NEK10: variants seen among roughly 807,000 people sequenced by gnomAD.
NEK10 encodes the protein serine/threonine-protein kinase Nek10.
Under a neutral mutation model 159.8 loss-of-function variants are expected in NEK10, and 122 were observed. The observed-to-expected ratio is 0.76, with a 90% confidence interval of 0.66 to 0.89. The LOEUF is 0.89. Ranked by LOEUF, NEK10 falls within the 40% of genes least tolerant of loss-of-function variation. The pLI, the probability that NEK10 is intolerant of heterozygous loss-of-function variation, is 0.00. For missense variants in NEK10, 1,342 were observed against 1,323.1 expected (o/e 1.01, Z -0.22); for synonymous variants, 466 against 457.1 (o/e 1.02, Z -0.25).
At chr3:27,347,124 T>G (rs2047608983) in intron 3 of NEK10, among the ~76,000 whole-genome samples, 1 of 152,220 alleles carries the variant, frequency 6.6e-6, no homozygotes, top group South Asian at 2.1e-4. Flanking sequence ...AAAAATCATT[T>G]TTCAGTAAAT....
At position 27,108,010 on chromosome 3, in the gene NEK10, T is replaced by G. The variant is rs1269618441; in HGVS notation, c.*3262A>C. 6.6e-6 allele frequency among the ~76,000 whole-genome samples: 1 copy of G among 152,220 alleles called. No individual in the cohort carries two copies. The highest frequency in any genetic ancestry group is 1.5e-5 in the Non-Finnish European group (1 of 68,030). The stretch of plus-strand genomic sequence containing the variant: ...AAATTCACTAGCCAATATTACAGTC[T>G]TCACACATCTTAAAAATGAGTGGTG... On this transcript the variant is annotated 3_prime_UTR_variant, in exon 36 of 36. Transcript: ENST00000691995.
intron 23 of NEK10, among the ~76,000 whole-genome samples, chr3:27,220,622 T>G (rs1952001388): frequency 6.6e-6 from 1 of 152,102 alleles, no homozygotes; most frequent in South Asian, 2.1e-4. Flanking sequence ...CAAATTGATC[T>G]ACAGATTCAA....
intron 22 of NEK10, among the ~76,000 whole-genome samples, chr3:27,274,699 A>C (rs2041639068): frequency 6.6e-6 from 1 of 151,962 alleles, no homozygotes; most frequent in South Asian, 2.1e-4. Flanking sequence ...GCATGATACT[A>C]GTTCTTAAAA....
chr3:27,162,410 C>A, intron 30 of NEK10: 1 of 1,594,926 alleles, frequency 6.3e-7, no homozygotes, highest in Non-Finnish European at 8.6e-7. Context: ...AACTATAATT[C>A]TGCATTTGCC....
intron 22 of NEK10, among the ~76,000 whole-genome samples, chr3:27,272,300 G>T (rs2041428097): frequency 6.6e-6 from 1 of 152,142 alleles, no homozygotes; most frequent in Non-Finnish European, 1.5e-5. Flanking sequence ...TCAGTCATCA[G>T]GGATATCCCA....
At chr3:27,354,146 C>T (rs1373789342) in intron 1 of NEK10, among the ~76,000 whole-genome samples, 4 of 152,166 alleles carry the variant, frequency 2.6e-5, no homozygotes, top group Non-Finnish European at 5.9e-5. Flanking sequence ...AATTCCTGCT[C>T]AAACTATAGC....
chr3:27,265,186 C>A (rs776734953), intron 22 of NEK10, among the ~76,000 whole-genome samples: 1 of 152,160 alleles, frequency 6.6e-6, no homozygotes, highest in Admixed American at 6.5e-5. Flanking sequence ...CAAAACATGT[C>A]CACCATTCTC....
intron 22 of NEK10, among the ~76,000 whole-genome samples, chr3:27,270,457 C>T (rs553733727): frequency 6.6e-6 from 1 of 152,094 alleles, no homozygotes; most frequent in Non-Finnish European, 1.5e-5. Context: ...GTCAGAATCA[C>T]CCAGATAAAC....
At chr3:27,270,531 A>G (rs1202905363) in intron 22 of NEK10, among the ~76,000 whole-genome samples, 1 of 152,124 alleles carries the variant, frequency 6.6e-6, no homozygotes, top group Non-Finnish European at 1.5e-5. Flanking sequence ...TTAACCCTCC[A>G]AATTTCTGGG....
rs1376197124 is a variant in NEK10 at position 27,107,696 on chromosome 3, G to A, written c.*3576C>T. 6.6e-6 allele frequency among the ~76,000 whole-genome samples: 1 copy of A among 152,142 alleles called. No homozygotes were observed. Among genetic ancestry groups the A allele is most frequent in the East Asian group, 1.9e-4 (1 of 5,192 alleles). ...GGAGCCCTTCATAGCTGTAACTCCA[G>A]GGTGCCAAGAAGCTGTTTCAGATAG... On this transcript the variant is annotated 3_prime_UTR_variant, in exon 36 of 36. Transcript: ENST00000691995.
intron 23 of NEK10, among the ~76,000 whole-genome samples, chr3:27,246,174 G>GA (rs1476172466): frequency 6.6e-6 from 1 of 152,090 alleles, no homozygotes; most frequent in Non-Finnish European, 1.5e-5. Flanking sequence ...AAATCAGACT[G>GA]AAAAATGCAT....
chr3:27,177,417 C>T lies in NEK10; in HGVS notation c.2506-2584G>A, dbSNP rs144022148. Among the ~76,000 whole-genome samples, 33 of 151,880 alleles carry T rather than the reference C, an allele frequency of 2.2e-4. No individual in the cohort carries two copies. The East Asian group carries it at 4.8e-3, about 22-fold the overall frequency. ...AAAATTAGCCGGGCATGGTGGTGGG[C>T]GCCTGTAGTCCCAGCTACTCGGGAG... is the stretch of plus-strand genomic sequence containing the variant. On this transcript the variant is annotated intron_variant, in intron 26 of 35. Coordinates refer to ENST00000691995, the MANE Select transcript of NEK10 (RefSeq NM_001394966.1).
At chr3:27,114,477 T>C (rs542641220) in intron 35 of NEK10, among the ~76,000 whole-genome samples, 56 of 152,292 alleles carry the variant, frequency 3.7e-4, no homozygotes, top group African/African-American at 1.3e-3. Context: ...GAAACTGTTA[T>C]CAAGTCAAAA....
chr3:27,204,160 A>G (rs1266321904), intron 23 of NEK10, among the ~76,000 whole-genome samples: 2 of 151,440 alleles, frequency 1.3e-5, no homozygotes, highest in Non-Finnish European at 2.9e-5. Flanking sequence ...TTCCACCCAT[A>G]TCCCCTCAAA....
chr3:27,152,624 AG>A (rs1392503064), intron 30 of NEK10, among the ~76,000 whole-genome samples: 1 of 152,174 alleles, frequency 6.6e-6, no homozygotes, highest in African/African-American at 2.4e-5. Context: ...AAAAGTACAC[AG>A]GAAACAAATA....
At chr3:27,300,235 A>T (rs566622527) in intron 13 of NEK10, among the ~76,000 whole-genome samples, 8 of 152,258 alleles carry the variant, frequency 5.3e-5, no homozygotes, top group Admixed American at 5.2e-4. Context: ...ATGATAGTGA[A>T]TGAGTCTCAC....
At chr3:27,209,085 A>G (rs1280482168) in intron 23 of NEK10, among the ~76,000 whole-genome samples, 3 of 150,550 alleles carry the variant, frequency 2.0e-5, no homozygotes, top group Non-Finnish European at 4.4e-5. Flanking sequence ...GACGGCATCC[A>G]GCATTGACAG....
In NEK10 at chr3:27,291,323, T is replaced by C. The variant is rs1472200266; in HGVS notation, c.1544A>G (p.Tyr515Cys). ...ATCCAAAATTGCATAGTTGCCTATATATTTCAAAGGAGCTTTGTTCTGATT... is the reference window on the plus strand; with the variant it reads ...ATCCAAAATTGCATAGTTGCCTATACATTTCAAAGGAGCTTTGTTCTGATT... Reference protein sequence around the residue: ...SINQNKAPLKYIGNYAILDHL... With the variant: ...SINQNKAPLKCIGNYAILDHL... The change falls in exon 18 of 36, where the codon TAT (tyrosine) becomes TGT (cysteine). Residue 515 changes from tyrosine (Y) to cysteine (C), a missense_variant. Transcript: ENST00000691995. 6.2e-7 allele frequency: 1 copy of C among 1,613,492 alleles called. No individual in the cohort carries two copies. Among genetic ancestry groups the C allele is most frequent in the Non-Finnish European group, 8.5e-7 (1 of 1,179,572 alleles).
intron 19 of NEK10, 47 bp downstream of exon 19, chr3:27,290,570 G>A: frequency 2.9e-6 from 4 of 1,392,846 alleles, no homozygotes; most frequent in Non-Finnish European, 4.0e-6. Flanking sequence ...TTCTTGCAAT[G>A]ACATGTATTT....
Sources: gnomAD v4.1 joint callset for allele counts (sites outside exome capture counted in the v4.1 genomes callset) on GRCh38, gnomAD v4.1.1 for gene constraint, MANE v1.5 for transcripts, NCBI Gene and HGNC (gene_info 2026-07-23, HGNC 2026-07-21) for gene names.